Variants in TYW1B observed in about 807,000 individuals in gnomAD.
The protein encoded by TYW1B is S-adenosyl-L-methionine-dependent tRNA 4-demethylwyosine synthase TYW1B.
TYW1B carries 73 observed loss-of-function variants against 86.9 expected under a neutral mutation model. The observed-to-expected ratio is 0.84, with a 90% confidence interval of 0.70 to 1.02. The LOEUF (loss-of-function observed/expected upper bound fraction) is 1.02, where lower values mean the gene tolerates loss of function less well. Ranked by LOEUF, TYW1B falls within the 50% of genes least tolerant of loss-of-function variation. TYW1B has a pLI of 0.00. For missense variants in TYW1B, 637 were observed against 827.4 expected (o/e 0.77, Z 2.82); for synonymous variants, 248 against 292.8 (o/e 0.85, Z 1.56).
At chr7:72,782,498 T>C (rs375803188) in intron 6 of TYW1B, among the ~76,000 whole-genome samples, 1 of 152,096 alleles carries the variant, frequency 6.6e-6, no homozygotes, top group South Asian at 2.1e-4. Flanking sequence ...TACCAAAACA[T>C]ACATTTCTCC....
chr7:72,822,730 T>G (rs1473526209), intron 2 of TYW1B, among the ~76,000 whole-genome samples: 1 of 152,192 alleles, frequency 6.6e-6, no homozygotes, highest in Non-Finnish European at 1.5e-5. Flanking sequence ...TGAGATGGGC[T>G]GGGCATGGTG....
chr7:72,776,090 C>A (rs1475766816), intron 7 of TYW1B, among the ~76,000 whole-genome samples: 2 of 151,800 alleles, frequency 1.3e-5, no homozygotes, highest in African/African-American at 4.8e-5. Flanking sequence ...AAGGCTACAG[C>A]GAGCCATGAT....
intron 11 of TYW1B, among the ~76,000 whole-genome samples, chr7:72,629,217 C>A (rs112954338): frequency 7.8e-3 from 1,029 of 131,384 alleles, no homozygotes; most frequent in African/African-American, 0.013. Context: ...TGACATATTT[C>A]TTTTCTCTGC....
chr7:72,712,237 C>G (rs1470287681), intron 10 of TYW1B, among the ~76,000 whole-genome samples: 5 of 152,118 alleles, frequency 3.3e-5, no homozygotes, highest in African/African-American at 1.2e-4. Flanking sequence ...ATCAACATGG[C>G]TGGAACCCTC....
At chr7:72,739,799 A>G (rs1400258151) in intron 8 of TYW1B, among the ~76,000 whole-genome samples, 1 of 143,404 alleles carries the variant, frequency 7.0e-6, no homozygotes, top group African/African-American at 2.6e-5. Context: ...TGGGATTTAG[A>G]AAGGCACACT....
intron 13 of TYW1B, among the ~76,000 whole-genome samples, chr7:72,576,326 G>A (rs1334126900): frequency 9.9e-5 from 15 of 152,106 alleles, no homozygotes; most frequent in African/African-American, 2.9e-4. Flanking sequence ...CAAAAGTCAC[G>A]GTAGAATAAT....
intron 11 of TYW1B, among the ~76,000 whole-genome samples, chr7:72,664,891 G>A (rs1554445009): frequency 1.3e-5 from 2 of 152,150 alleles, no homozygotes; most frequent in Non-Finnish European, 2.9e-5. Context: ...TGTCATATTT[G>A]CATTTAATCT....
At chr7:72,652,377 G>GAAAAAA (rs1169791430) in intron 11 of TYW1B, among the ~76,000 whole-genome samples, 9 of 31,296 alleles carry the variant, frequency 2.9e-4, no homozygotes, top group Non-Finnish European at 3.9e-4. Context: ...GACTCTGTCT[G>GAAAAAA]AAAAAAAAAA....
At chr7:72,777,655 C>T (rs1466317028) in intron 6 of TYW1B, 122 bp from the exon 7 acceptor site, 5 of 1,161,332 alleles carry the variant, frequency 4.3e-6, no homozygotes, top group Admixed American at 5.2e-5. Flanking sequence ...GTGGCTCACG[C>T]CTGTAATCCC....
chr7:72,604,104 T>C (rs1811740673), intron 13 of TYW1B, among the ~76,000 whole-genome samples: 1 of 152,186 alleles, frequency 6.6e-6, no homozygotes, highest in South Asian at 2.1e-4. Flanking sequence ...GGGAACTCTC[T>C]ATAATACAGT....
intron 3 of TYW1B, 147 bp downstream of exon 3, chr7:72,815,233 T>C: frequency 1.3e-6 from 1 of 760,308 alleles, no homozygotes; most frequent in East Asian, 2.9e-5. Flanking sequence ...AGTTCTCTGA[T>C]TCACACTGGA....
chr7:72,660,774 G>A (rs1197336154), intron 11 of TYW1B, among the ~76,000 whole-genome samples: 4 of 152,048 alleles, frequency 2.6e-5, no homozygotes, highest in African/African-American at 9.7e-5. Flanking sequence ...GAAGGTTCTG[G>A]ATTACAGTCA....
Position 72,813,547 on chromosome 7 carries a change from G to T in TYW1B, c.237+1833C>A, listed in dbSNP as rs114923075. Among the ~76,000 whole-genome samples, 1,010 of 152,290 alleles carry T rather than the reference G, an allele frequency of 6.6e-3. 15 individuals carry two copies. The highest frequency in any genetic ancestry group is 0.021 in the African/African-American group (872 of 41,558). ...TTGTTTAAGCTCTACAGTGCAGCCA[G>T]GCTAAGACCTGAGATTCTGCATTTC... On this transcript the variant is annotated intron_variant, in intron 3 of 13. Transcript: ENST00000620995.
Position 72,702,645 on chromosome 7 carries a change from C to T in TYW1B, c.1371-7823G>A, listed in dbSNP as rs1434675938. Among the ~76,000 whole-genome samples the T allele has an allele frequency of 2.0e-5, 3 of 152,086 alleles. No homozygotes were observed. The East Asian group carries it at 5.8e-4, about 29-fold the overall frequency. ...CAAATGATCCGCCCACCTCAGCCTC[C>T]CAAAGAGCTGGGATTACAGGCATGA... On this transcript the variant is annotated intron_variant, in intron 10 of 13. Coordinates refer to ENST00000620995, the MANE Select transcript of TYW1B (RefSeq NM_001145440.3).
At chr7:72,811,859 C>T (rs546554262) in intron 3 of TYW1B, among the ~76,000 whole-genome samples, 5 of 149,274 alleles carry the variant, frequency 3.3e-5, no homozygotes, top group Non-Finnish European at 5.9e-5. Context: ...CTGCAGTGGG[C>T]CACAATCACA....
At chr7:72,675,444 ATCACTAAG>A (rs1226759220) in intron 11 of TYW1B, among the ~76,000 whole-genome samples, 2 of 151,862 alleles carry the variant, frequency 1.3e-5, no homozygotes, top group African/African-American at 4.8e-5. Context: ...ATTTTTTCCA[ATCACTAAG>A]TCAACTGGAA....
At chr7:72,750,524 T>C (rs1193878239) in intron 7 of TYW1B, among the ~76,000 whole-genome samples, 1 of 152,208 alleles carries the variant, frequency 6.6e-6, no homozygotes, top group Admixed American at 6.6e-5. Context: ...TGATTAGTTA[T>C]ATAAAGTATT....
At chr7:72,621,874 A>G (rs1179698616) in intron 12 of TYW1B, among the ~76,000 whole-genome samples, 4 of 152,256 alleles carry the variant, frequency 2.6e-5, no homozygotes, top group African/African-American at 9.6e-5. Context: ...ACTGCTACGT[A>G]TAAGAAAAAC....
chr7:72,819,652 C>T (rs181490884), intron 2 of TYW1B, among the ~76,000 whole-genome samples: 2 of 152,234 alleles, frequency 1.3e-5, no homozygotes, highest in African/African-American at 2.4e-5. Flanking sequence ...AGGTTGGTCT[C>T]GAACTCCTGG....
Sources: gnomAD v4.1 joint callset for allele counts (sites outside exome capture counted in the v4.1 genomes callset) on GRCh38, gnomAD v4.1.1 for gene constraint, MANE v1.5 for transcripts, NCBI Gene and HGNC (gene_info 2026-07-23, HGNC 2026-07-21) for gene names.